NOXO1: variants seen among roughly 807,000 people sequenced by gnomAD.
NOXO1 encodes NADPH oxidase regulatory protein.
A neutral mutation model predicts 33.3 loss-of-function variants in NOXO1; 38 were observed. That is an observed-to-expected ratio of 1.14 (90% CI 0.88 to 1.50). The LOEUF is 1.50. Ranked by LOEUF, NOXO1 falls within the 40% of genes most tolerant of loss-of-function variation. The pLI is 0.00. For synonymous variants in NOXO1, 302 were observed against 237.3 expected, an observed-to-expected ratio of 1.27 and a Z score of -2.51; for missense variants, 675 against 527.1, an observed-to-expected ratio of 1.28 and a Z score of -2.75.
In NOXO1 at chr16:1,979,135, T is replaced by C; in HGVS notation, c.1033A>G (p.Arg345Gly). The C allele has an allele frequency of 6.8e-7, 1 of 1,468,194 alleles. No homozygotes were observed. Among genetic ancestry groups the C allele is most frequent in the African/African-American group, 1.5e-5 (1 of 67,330 alleles). The allele number at this position is 1,468,194 out of a possible 1,614,324, so 90.9% of individuals were successfully genotyped here. A position where few individuals can be genotyped will look rare whatever the true frequency, so the allele number is the denominator to read the frequency against. Residue 345 changes from arginine to glycine, a missense_variant, in exon 8 of 8, where the codon AGG (arginine) becomes GGG (glycine). Coordinates refer to ENST00000356120, the MANE Select transcript of NOXO1 (RefSeq NM_172167.3). ...IQSRCCTVTR[R>G]ALERRPRRQG... ...CGCCGTGGGCGCCGCTCCAGGGCCC[T>C]GCGTGTGACGGTGCAGCAGCGGCTC...
Position 1,981,137 on chromosome 16 carries a change from G to C in NOXO1, c.43C>G (p.Leu15Val), listed in dbSNP as rs1242299515. 1 of 1,613,572 alleles carries C rather than the reference G, an allele frequency of 6.2e-7. No homozygotes were observed. The change falls in exon 1 of 8, where the codon CTG (leucine) becomes GTG (valine). Residue 15 changes from leucine (L) to valine (V), a missense_variant. Coordinates refer to ENST00000356120, the MANE Select transcript of NOXO1 (RefSeq NM_172167.3). ...RYPVSVQGAA[L>V]VQIKRLQTFA... ...ACTTGGAGCCTCTTGATCTGCACCA[G>C]GGCTGCCCCTTGCACTGAAACTGGG...
chr16:1,980,001 G>A lies in NOXO1; in HGVS notation c.582C>T (p.Pro194=). Residue 194 remains proline (P), a synonymous_variant, in exon 5 of 8, where the codon CCC becomes CCT. Coordinates refer to ENST00000356120, the MANE Select transcript of NOXO1 (RefSeq NM_172167.3). Reference sequence around the variant, plus strand: ...TGGGTTCTTGGGGGGCCCTACCTGAGGGGTGCCGCAGCAGCACGTCCAGGC... The same window carrying A: ...TGGGTTCTTGGGGGGCCCTACCTGAAGGGTGCCGCAGCAGCACGTCCAGGC... ...QESLDVLLRH[P]SGWWLVENED... 1.2e-6 allele frequency: 2 copies of A among 1,602,632 alleles called. No individual in the cohort carries two copies. The highest frequency in any genetic ancestry group is 1.7e-6 in the Non-Finnish European group (2 of 1,175,774).
intron 1 of NOXO1, 34 bp downstream of exon 1, chr16:1,981,080 C>T (rs774002680): frequency 5.6e-6 from 9 of 1,610,630 alleles, no homozygotes; most frequent in Admixed American, 1.7e-5. Context: ...CCTTCCTATC[C>T]CTTGGGGCCA....
At chr16:1,980,221 G>T (rs766225026) in intron 4 of NOXO1, 40 bp from the exon 5 acceptor site, 5 of 1,560,838 alleles carry the variant, frequency 3.2e-6, no homozygotes, top group Non-Finnish European at 4.3e-6. Context: ...GTAGGCGGAT[G>T]GGGAGGGTGA....
Position 1,979,020 on chromosome 16 carries a change from C to T in NOXO1, c.*32G>A, listed in dbSNP as rs1206264872. 1.3e-6 allele frequency: 2 copies of T among 1,521,344 alleles called. No individual in the cohort carries two copies. Among genetic ancestry groups the T allele is most frequent in the African/African-American group, 1.4e-5 (1 of 72,240 alleles). The allele number at this position is 1,521,344 out of a possible 1,614,324, so 94.2% of individuals were successfully genotyped here. A position where few individuals can be genotyped will look rare whatever the true frequency, so the allele number is the denominator to read the frequency against. ...CCGCTCCTCCCCAGCCCTGGGATGG[C>T]GCGGTCCATCCCCTCATCGGGATCC... On this transcript the variant is annotated 3_prime_UTR_variant, in exon 8 of 8. Transcript: ENST00000356120.
Position 1,979,836 on chromosome 16 carries a change from CG to C in NOXO1, c.653del (p.Ala218GlyfsTer13). On this transcript the variant is annotated frameshift_variant, in exon 6 of 8. Transcript: ENST00000356120. LOFTEE classifies it high-confidence loss of function. ...AWFPAPYLEE[A>X]APGQGREGGP... ...CTCCCTCCCGGCCTTGGCCCGGGGC[CG>C]CCTCCTCCAGGTAGGGCGCTGGAAA... 1.9e-6 allele frequency: 3 copies of C among 1,575,576 alleles called. No individual in the cohort carries two copies. Among genetic ancestry groups the C allele is most frequent in the Non-Finnish European group, 2.6e-6 (3 of 1,162,166 alleles).
At position 1,979,535 on chromosome 16, in the gene NOXO1, C is replaced by T; in HGVS notation, c.708G>A (p.Gln236=). ...TCTCGTAGGCGCGGGAAGCACAGAA[C>T]TGGGGACCTGGTGGGAGTGGGTGTT... The part of the protein sequence containing the change: ...GGPSLGSSGP[Q]FCASRAYESS... The change falls in exon 7 of 8, where the codon CAG becomes CAA. Residue 236 remains glutamine, a synonymous_variant. Coordinates refer to ENST00000356120, the MANE Select transcript of NOXO1 (RefSeq NM_172167.3). 6.2e-7 allele frequency: 1 copy of T among 1,609,540 alleles called. No homozygotes were observed. The highest frequency in any genetic ancestry group is 1.1e-5 in the South Asian group (1 of 90,706).
At chr16:1,980,330 G>A (rs8050552) in intron 4 of NOXO1, 37 bp downstream of exon 4, 4 of 1,580,600 alleles carry the variant, frequency 2.5e-6, no homozygotes, top group Non-Finnish European at 2.6e-6. Context: ...AGCTCCAAAC[G>A]CCGCTGCATG....
rs537732779 is a variant in NOXO1, at chr16:1,979,421, G to T, written c.818+4C>A. On this transcript the variant is annotated splice_donor_region_variant and intron_variant, in intron 7 of 7. Coordinates refer to ENST00000356120, the MANE Select transcript of NOXO1 (RefSeq NM_172167.3). ...CTGCCCTGCCCACGCCCGCTCCCGC[G>T]TACCTGCATAGCCACCAGCCGCGGT... 45 of 1,606,912 alleles carry T rather than the reference G, an allele frequency of 2.8e-5. No homozygotes were observed. The East Asian group carries it at 9.6e-4, about 34-fold the overall frequency.
In NOXO1 at chr16:1,980,739, C is replaced by T. The variant is rs963535062; in HGVS notation, c.148-8G>A. ...GGTCTCCTTGAGGGTCTTCTGAGGG[C>T]GGGAACCAGGGCATTGGTCTTCCAG... On this transcript the variant is annotated splice_region_variant and splice_polypyrimidine_tract_variant and intron_variant, in intron 2 of 7. Transcript: ENST00000356120. The T allele has an allele frequency of 1.9e-6, 3 of 1,591,424 alleles. No individual in the cohort carries two copies. The highest frequency in any genetic ancestry group is 2.6e-6 in the Non-Finnish European group (3 of 1,168,560).
rs770389719 is a variant in NOXO1, at chr16:1,980,169, C to T, written c.414G>A (p.Leu138=). The change falls in exon 5 of 8, where the codon CTG becomes CTA. Residue 138 remains leucine, a synonymous_variant. Transcript: ENST00000356120. ...PALPPGSRVI[L]PTPEEQPLSR... is the part of the protein sequence containing the mutation. ...AAAGAGGCTGCTCCTCTGGGGTGGG[C>T]AGGATCACCCGGCTGGGAAGGGCAG... The T allele has an allele frequency of 1.9e-6, 3 of 1,600,532 alleles. No homozygotes were observed. The highest frequency in any genetic ancestry group is 1.3e-5 in the African/African-American group (1 of 74,938).
At position 1,981,033 on chromosome 16, in the gene NOXO1, A is replaced by T. The variant is rs1397123212; in HGVS notation, c.67-14T>A. On this transcript the variant is annotated splice_polypyrimidine_tract_variant and intron_variant, in intron 1 of 7. Coordinates refer to ENST00000356120, the MANE Select transcript of NOXO1 (RefSeq NM_172167.3). ...GAAGGCAAACGTCTGGGGGACAAAA[A>T]GTTGGGAGTGCCGTGGAGGTGCTGG... is the stretch of plus-strand genomic sequence containing the variant. The T allele has an allele frequency of 6.2e-7, 1 of 1,613,050 alleles. No homozygotes were observed. The highest frequency in any genetic ancestry group is 1.3e-5 in the African/African-American group (1 of 74,938).
chr16:1,979,588 G>A lies in NOXO1; in HGVS notation c.701-46C>T, dbSNP rs574180461. The A allele has an allele frequency of 8.7e-6, 13 of 1,495,970 alleles. No homozygotes were observed. The African/African-American group carries it at 9.6e-5, about 11-fold the overall frequency. The allele number at this position is 1,495,970 out of a possible 1,614,324, so 92.7% of individuals were successfully genotyped here. A position where few individuals can be genotyped will look rare whatever the true frequency, so the allele number is the denominator to read the frequency against. ...GAGTCACCGCGGGGCCACAGAGGACGAGGCCCGCCCGCACCCTTCTCCACA... is the reference window on the plus strand; with the variant it reads ...GAGTCACCGCGGGGCCACAGAGGACAAGGCCCGCCCGCACCCTTCTCCACA... On this transcript the variant is annotated intron_variant, in intron 6 of 7. Transcript: ENST00000356120.
At chr16:1,981,070 C>T in intron 1 of NOXO1, 44 bp downstream of exon 1, 1 of 1,611,108 alleles carries the variant, frequency 6.2e-7, no homozygotes, top group Non-Finnish European at 8.5e-7. Flanking sequence ...CCAGGCACCC[C>T]CTTCCTATCC....
intron 2 of NOXO1, 63 bp from the exon 3 acceptor site, chr16:1,980,794 G>C: frequency 6.6e-7 from 1 of 1,518,390 alleles, no homozygotes; most frequent in Non-Finnish European, 9.0e-7. Flanking sequence ...AGAGGGCGGG[G>C]TCCCTCACCC....
rs758988879 is a variant in NOXO1, at chr16:1,978,989, C to CCCTCCCCGCT, written c.*53_*62dup. On this transcript the variant is annotated 3_prime_UTR_variant, in exon 8 of 8. Transcript: ENST00000356120. ...CATCCCTGCTGGCCAGGGAGATCCG[C>CCCTCCCCGCT]CCTCCCCGCTCCTCCCCAGCCCTGG... 514 of 1,443,114 alleles carry CCCTCCCCGCT rather than the reference C, an allele frequency of 3.6e-4. No homozygotes were observed. The highest frequency in any genetic ancestry group is 4.7e-4 in the Non-Finnish European group (506 of 1,084,800). 89.4% of individuals were successfully genotyped at this position (1,443,114 alleles called of 1,614,324 possible).
In NOXO1 at chr16:1,980,642, CA is replaced by C; in HGVS notation, c.223+13del. The C allele has an allele frequency of 6.2e-7, 1 of 1,602,074 alleles. No homozygotes were observed. The highest frequency in any genetic ancestry group is 8.5e-7 in the Non-Finnish European group (1 of 1,174,082). ...CCACCGCCTTCCCCGCTCCCGTACCCAGGCTGGCCTGACCGAGAAGCTTTGG... is the reference window on the plus strand; with the variant it reads ...CCACCGCCTTCCCCGCTCCCGTACCCGGCTGGCCTGACCGAGAAGCTTTGG... On this transcript the variant is annotated intron_variant, in intron 3 of 7. Transcript: ENST00000356120.
Position 1,979,229 on chromosome 16 carries a change from G to T in NOXO1, c.939C>A (p.Phe313Leu), listed in dbSNP as rs2083442844. ...GGGCGGTGGCCTGGGAGGGTTCAGGGAAGCCCCGGGCCTCACCCGCCGGGT... is the reference window on the plus strand; with the variant it reads ...GGGCGGTGGCCTGGGAGGGTTCAGGTAAGCCCCGGGCCTCACCCGCCGGGT... ...GDDPAGEARG[F>L]PEPSQATAPP... The change falls in exon 8 of 8, where the codon TTC becomes TTA. Residue 313 changes from phenylalanine to leucine, a missense_variant. Coordinates refer to ENST00000356120, the MANE Select transcript of NOXO1 (RefSeq NM_172167.3). 3 of 1,499,382 alleles carry T rather than the reference G, an allele frequency of 2.0e-6. No individual in the cohort carries two copies. The African/African-American group carries it at 4.3e-5, about 21-fold the overall frequency. The allele number at this position is 1,499,382 out of a possible 1,614,324, so 92.9% of individuals were successfully genotyped here.
In NOXO1 at chr16:1,979,824, T is replaced by C. The variant is rs2150888882; in HGVS notation, c.666A>G (p.Gln222=). The change falls in exon 6 of 8, where the codon CAA becomes CAG. Residue 222 remains glutamine (Q), a synonymous_variant. Transcript: ENST00000356120. ...CTAGGGACGGGCCTCCCTCCCGGCC[T>C]TGGCCCGGGGCCGCCTCCTCCAGGT... The part of the protein sequence containing the change: ...APYLEEAAPG[Q]GREGGPSLGS... 1 of 1,568,850 alleles carries C rather than the reference T, an allele frequency of 6.4e-7. No homozygotes were observed. The highest frequency in any genetic ancestry group is 8.6e-7 in the Non-Finnish European group (1 of 1,158,608).
Sources: allele counts gnomAD v4.1 joint callset, GRCh38; gene constraint gnomAD v4.1.1; transcripts MANE v1.5; gene names NCBI Gene and HGNC (gene_info 2026-07-23, HGNC 2026-07-21).